Variants in SNCG observed in about 807,000 individuals in gnomAD.
SNCG encodes the protein synuclein gamma, also known as gamma-synuclein.
In SNCG, 13 loss-of-function variants were observed where a neutral mutation model predicts 16.0. The observed-to-expected ratio is 0.81, with a 90% CI of 0.53 to 1.29. The LOEUF (loss-of-function observed/expected upper bound fraction) is 1.29. Among genes scored for constraint, SNCG ranks in the 50% most tolerant of loss-of-function variants. The pLI, the probability that SNCG is intolerant of heterozygous loss-of-function variation, is 0.00. For synonymous variants in SNCG, 66 were observed against 66.3 expected (o/e 1.00, Z 0.02); for missense variants, 154 against 168.5 (o/e 0.91, Z 0.48).
At chr10:86,957,299 G>C (rs761142954), upstream of SNCG, 2 of 1,471,820 alleles carry the variant, frequency 1.4e-6, no homozygotes, top group Non-Finnish European at 1.9e-6. Flanking sequence ...CCCCAGTGAG[G>C]TCTAGAGAGG....
upstream of SNCG, chr10:86,958,219 C>T (rs74150416): frequency 3.2e-3 from 3,084 of 965,212 alleles, 64 homozygotes; most frequent in African/African-American, 0.049. Context: ...CTGACCCCTA[C>T]CTAGGAAGCT....
At position 86,959,875 on chromosome 10, in the gene SNCG, G is replaced by A. The variant is rs1844309875; in HGVS notation, c.164-126G>A. 1 of 1,459,668 alleles carries A rather than the reference G, an allele frequency of 6.9e-7. No individual in the cohort carries two copies. The highest frequency in any genetic ancestry group is 2.2e-5 in the Admixed American group (1 of 46,196). The allele number at this position is 1,459,668 out of a possible 1,614,324, so 90.4% of individuals were successfully genotyped here. ...GCATCAGAGGTGCCCTGGAGTCAGA[G>A]GGAGCAGGGGAGGGTCCCAGCAGGG... On this transcript the variant is annotated intron_variant, in intron 2 of 4. Transcript: ENST00000372017. The surrounding 1 kb of genome is among the most constrained non-coding windows in gnomAD (Gnocchi z 4.3).
At position 86,963,154 on chromosome 10, in the gene SNCG, A is replaced by C; in HGVS notation, c.*169A>C. ...CCACCTGTGCTGCTGCACCAACCTC[A>C]CTGCCCTCCCTCGGCCCCACCCACC... On this transcript the variant is annotated 3_prime_UTR_variant, in exon 5 of 5. Transcript: ENST00000372017. 1.9e-6 allele frequency: 1 copy of C among 522,956 alleles called. No homozygotes were observed. The highest frequency in any genetic ancestry group is 3.2e-6 in the Non-Finnish European group (1 of 309,176). 32.4% of individuals were successfully genotyped at this position (522,956 alleles called of 1,614,324 possible). A position where few individuals can be genotyped will look rare whatever the true frequency, so the allele number is the denominator to read the frequency against.
chr10:86,957,349 G>T (rs1183801903), upstream of SNCG: 2 of 1,610,856 alleles, frequency 1.2e-6, no homozygotes, highest in Non-Finnish European at 1.7e-6. Context: ...CCTACTCCAT[G>T]ACCTCTGCCA....
Position 86,959,753 on chromosome 10 carries a change from C to A in SNCG, c.163+79C>A. The A allele has an allele frequency of 7.0e-7, 1 of 1,418,540 alleles. No homozygotes were observed. The highest frequency in any genetic ancestry group is 9.6e-7 in the Non-Finnish European group (1 of 1,041,358). The allele number at this position is 1,418,540 out of a possible 1,614,324, so 87.9% of individuals were successfully genotyped here. ...TGCATCCTAGTGCTGGGGCTCAAAC[C>A]TAGAGTCCTGCCTTACCCCCAACTG... On this transcript the variant is annotated intron_variant, in intron 2 of 4. Coordinates refer to ENST00000372017, the MANE Select transcript of SNCG (RefSeq NM_003087.3). This position sits in a 1 kb window ranked among gnomAD's most constrained non-coding sequence, Gnocchi z 4.3.
At chr10:86,962,777 G>A (rs1844379160) in intron 4 of SNCG, 102 bp downstream of exon 4, 1 of 1,197,072 alleles carries the variant, frequency 8.4e-7, no homozygotes, top group African/African-American at 1.5e-5. Context: ...GGGCCCAGAG[G>A]GGCCTCCTGA....
At chr10:86,957,264 C>G, upstream of SNCG, 1 of 1,105,054 alleles carries the variant, frequency 9.0e-7, no homozygotes, top group South Asian at 1.4e-5. Flanking sequence ...GAGATAGATA[C>G]TATTAGCCCA....
Position 86,963,001 on chromosome 10 carries a change from C to A in SNCG, c.*16C>A. 1 of 1,600,522 alleles carries A rather than the reference C, an allele frequency of 6.2e-7. No homozygotes were observed. Among genetic ancestry groups the A allele is most frequent in the Non-Finnish European group, 8.5e-7 (1 of 1,174,384 alleles). The stretch of plus-strand genomic sequence containing the variant: ...GGGAGACTAGAGGGCTACAGGCCAG[C>A]GTGGATGACCTGAAGAGCGCTCCTC... On this transcript the variant is annotated 3_prime_UTR_variant, in exon 5 of 5. Transcript: ENST00000372017.
upstream of SNCG, chr10:86,957,842 G>A: frequency 8.5e-7 from 1 of 1,174,056 alleles, no homozygotes; most frequent in Non-Finnish European, 1.1e-6. Context: ...ATGGGAACCT[G>A]CTCCCTGGGA....
At chr10:86,961,917 A>G (rs903583765) in intron 3 of SNCG, among the ~76,000 whole-genome samples, 1 of 152,224 alleles carries the variant, frequency 6.6e-6, no homozygotes, top group Non-Finnish European at 1.5e-5. Flanking sequence ...GTGCAGGGCA[A>G]TCACCAGTGT....
upstream of SNCG, chr10:86,958,394 C>A (rs34020944): frequency 0.015 from 14,442 of 985,290 alleles, 122 homozygotes; most frequent in Middle Eastern, 0.059. Context: ...CCCCCTCCAG[C>A]CCATGGAGGG....
At chr10:86,958,851 G>C in intron 1 of SNCG, 33 bp downstream of exon 1, 1 of 1,575,588 alleles carries the variant, frequency 6.3e-7, no homozygotes, top group Non-Finnish European at 8.6e-7. Context: ...GGACAGTGTG[G>C]TGGCCAAAGG....
rs926775196 is a variant in SNCG, at chr10:86,958,882, G to A, written c.121+64G>A. On this transcript the variant is annotated intron_variant, in intron 1 of 4. Coordinates refer to ENST00000372017, the MANE Select transcript of SNCG (RefSeq NM_003087.3). ...AAAGGGTGAGTGCCCAGTTACCTTC[G>A]CCAGACCTTACTCCCCAGCCCCAGG... 152 of 1,519,508 alleles carry A rather than the reference G, an allele frequency of 1.0e-4. 1 individual carries two copies. The highest frequency in any genetic ancestry group is 3.9e-4 in the South Asian group (31 of 79,230). 94.1% of individuals were successfully genotyped at this position (1,519,508 alleles called of 1,614,324 possible). A position where few individuals can be genotyped will look rare whatever the true frequency, so the allele number is the denominator to read the frequency against.
At chr10:86,962,348 A>G (rs1030341544) in intron 3 of SNCG, among the ~76,000 whole-genome samples, 2 of 152,154 alleles carry the variant, frequency 1.3e-5, no homozygotes, top group Non-Finnish European at 2.9e-5. Context: ...GGGGCTTCCC[A>G]GAGACTGGGG....
At chr10:86,957,449 A>G (rs780828196), upstream of SNCG, 4 of 1,613,606 alleles carry the variant, frequency 2.5e-6, no homozygotes. Flanking sequence ...AGCTCTGCAG[A>G]TCAGAGAGGC....
chr10:86,957,722 TG>T, upstream of SNCG: 1 of 1,332,308 alleles, frequency 7.5e-7, no homozygotes, highest in Non-Finnish European at 9.8e-7. Flanking sequence ...CTACCCTGGC[TG>T]GCCCCACAGG....
chr10:86,959,654 T>C lies in SNCG; in HGVS notation c.143T>C (p.Val48Ala), dbSNP rs376516565. ...CCAGGAGCCAAGACCAAGGAGAATGTTGTACAGAGCGTGACCTCAGGTGAG... is the reference window on the plus strand; with the variant it reads ...CCAGGAGCCAAGACCAAGGAGAATGCTGTACAGAGCGTGACCTCAGGTGAG... The part of the protein sequence containing the change: ...MYVGAKTKEN[V>A]VQSVTSVAEK... Residue 48 changes from valine (V) to alanine (A), a missense_variant, in exon 2 of 5, where the codon GTT becomes GCT. Physicochemically the swap from Val to Ala is moderately conservative, Grantham distance 64. Coordinates refer to ENST00000372017, the MANE Select transcript of SNCG (RefSeq NM_003087.3). This position sits in a 1 kb window ranked among gnomAD's most constrained non-coding sequence, Gnocchi z 4.3. 3.1e-6 allele frequency: 5 copies of C among 1,613,170 alleles called. No homozygotes were observed. In the South Asian group the frequency reaches 3.3e-5, roughly 11 times the overall value.
chr10:86,961,409 G>T (rs1844347287), intron 3 of SNCG, among the ~76,000 whole-genome samples: 1 of 152,000 alleles, frequency 6.6e-6, no homozygotes, highest in Admixed American at 6.5e-5. Context: ...CAATTCTCCT[G>T]GTCTATGTGA....
rs748383493 is a variant in SNCG, at chr10:86,958,758, A to G, written c.61A>G (p.Lys21Glu). ...GGAGGGCGTGGTGGGTGCGGTGGAA[A>G]AGACCAAGCAGGGGGTGACGGAAGC... The part of the protein sequence containing the change: ...AKEGVVGAVE[K>E]TKQGVTEAAE... Residue 21 changes from lysine (K) to glutamate (E), a missense_variant, in exon 1 of 5, where the codon AAG (lysine) becomes GAG (glutamate). Transcript: ENST00000372017. The G allele has an allele frequency of 6.2e-7, 1 of 1,613,812 alleles. No individual in the cohort carries two copies. The highest frequency in any genetic ancestry group is 8.5e-7 in the Non-Finnish European group (1 of 1,179,868).
Sources: gnomAD v4.1 joint callset for allele counts (sites outside exome capture counted in the v4.1 genomes callset) on GRCh38, gnomAD v4.1.1 for gene constraint, Gnocchi (gnomAD v3.1) non-coding constraint, MANE v1.5 for transcripts, NCBI Gene and HGNC (gene_info 2026-07-23, HGNC 2026-07-21) for gene names.